Variants in RAB13 observed in about 807,000 individuals in gnomAD.
RAB13 encodes RAB13, member RAS oncogene family.
In RAB13, 15 loss-of-function variants were observed where a neutral mutation model predicts 29.3. That is an observed-to-expected ratio of 0.51 (90% CI 0.34 to 0.79). The LOEUF (loss-of-function observed/expected upper bound fraction) is 0.79. RAB13 is among the 30% of genes least tolerant of loss of function. The probability of loss-of-function intolerance (pLI) is 0.01; values close to 1 mark genes in which losing one functional copy is unlikely to be tolerated. For missense variants in RAB13, 186 were observed against 255.5 expected, an observed-to-expected ratio of 0.73 and a Z score of 1.85; for synonymous variants, 82 against 93.8, an observed-to-expected ratio of 0.87 and a Z score of 0.73.
upstream of RAB13, among the ~76,000 whole-genome samples, chr1:153,987,769 T>C (rs1266209639): frequency 4.5e-5 from 5 of 112,004 alleles, no homozygotes; most frequent in Admixed American, 4.3e-4. Context: ...GTGAGACTGC[T>C]TCGACAAAAA....
chr1:153,983,603 T>C, intron 2 of RAB13, 22 bp from the exon 3 acceptor site: 1 of 1,575,234 alleles, frequency 6.3e-7, no homozygotes. Flanking sequence ...GAAGTTTTCA[T>C]GGGATGGAAT....
chr1:153,990,387 T>C (rs1649322989), upstream of RAB13, among the ~76,000 whole-genome samples: 1 of 152,136 alleles, frequency 6.6e-6, no homozygotes, highest in African/African-American at 2.4e-5. Flanking sequence ...ATTAAACCAA[T>C]AGAAAAAGAG....
chr1:153,983,405 C>A, intron 3 of RAB13, 109 bp from the exon 4 acceptor site: 1 of 1,468,348 alleles, frequency 6.8e-7, no homozygotes, highest in East Asian at 2.3e-5. Flanking sequence ...GTTGGGCCCT[C>A]TGCAACCCAC....
At chr1:153,986,384 C>A (rs1185237879), upstream of RAB13, 13 of 678,048 alleles carry the variant, frequency 1.9e-5, no homozygotes, top group Non-Finnish European at 3.2e-5. Context: ...AGAGGAGAGG[C>A]GGCACCCCTC....
chr1:153,982,129 C>T lies in RAB13; in HGVS notation c.582G>A (p.Lys194=). 6.2e-7 allele frequency: 1 copy of T among 1,613,980 alleles called. No individual in the cohort carries two copies. The highest frequency in any genetic ancestry group is 2.2e-5 in the East Asian group (1 of 44,888). ...CCAGGGAGCACTTGTTGGTGTTCTTCTTGTCACAAGTTTTCAGGTCAGTAC... is the reference window on the plus strand; with the variant it reads ...CCAGGGAGCACTTGTTGGTGTTCTTTTTGTCACAAGTTTTCAGGTCAGTAC... ...PPSTDLKTCD[K]KNTNKCSLG is the part of the protein sequence containing the mutation. Residue 194 remains lysine, a synonymous_variant, in exon 8 of 8, where the codon AAG becomes AAA. Transcript: ENST00000368575.
upstream of RAB13, among the ~76,000 whole-genome samples, chr1:153,989,760 C>T (rs1430470405): frequency 3.3e-5 from 5 of 151,582 alleles, no homozygotes; most frequent in Non-Finnish European, 7.4e-5. Context: ...GGCATGGTGC[C>T]GCATGCCTGT....
chr1:153,985,488 C>G, intron 1 of RAB13: 1 of 502,938 alleles, frequency 2.0e-6, no homozygotes, highest in Non-Finnish European at 2.6e-6. Context: ...AGTCACCAGG[C>G]TGACTCAGAG....
upstream of RAB13, among the ~76,000 whole-genome samples, chr1:153,989,994 ATC>A (rs1449643807): frequency 3.3e-5 from 5 of 151,908 alleles, no homozygotes; most frequent in African/African-American, 1.2e-4. Context: ...AAACTATTCA[ATC>A]TCTTTTTGTC....
rs766351999 is a variant in RAB13 at position 153,982,812 on chromosome 1, G to A, written c.325-4C>T. Reference sequence around the variant, plus strand: ...GCTCCACCCCAGCCGAGGCATTCTGGGGGCAAAAGACAAGTAAAAGTTAGG... The same window carrying A: ...GCTCCACCCCAGCCGAGGCATTCTGAGGGCAAAAGACAAGTAAAAGTTAGG... On this transcript the variant is annotated splice_region_variant and splice_polypyrimidine_tract_variant and intron_variant, in intron 4 of 7. Transcript: ENST00000368575. 2 of 1,614,066 alleles carry A rather than the reference G, an allele frequency of 1.2e-6. No individual in the cohort carries two copies. Among genetic ancestry groups the A allele is most frequent in the South Asian group, 1.1e-5 (1 of 91,086 alleles).
At chr1:153,984,458 C>G (rs1344482687) in intron 2 of RAB13, among the ~76,000 whole-genome samples, 3 of 152,148 alleles carry the variant, frequency 2.0e-5, no homozygotes, top group Non-Finnish European at 4.4e-5. Flanking sequence ...CATGTTATGA[C>G]TGAACAGTTG....
intron 4 of RAB13, 44 bp from the exon 5 acceptor site, chr1:153,982,852 A>T: frequency 6.3e-7 from 1 of 1,598,228 alleles, no homozygotes; most frequent in Non-Finnish European, 8.6e-7. Flanking sequence ...GCCGGCTGGG[A>T]GCGGTGGCTC....
upstream of RAB13, among the ~76,000 whole-genome samples, chr1:153,986,772 C>A (rs1341766512): frequency 2.0e-5 from 3 of 152,016 alleles, no homozygotes; most frequent in Admixed American, 1.3e-4. Context: ...GAGTTATCAT[C>A]GGTTTCTGGG....
intron 4 of RAB13, 94 bp downstream of exon 4, chr1:153,983,125 C>T: frequency 1.1e-6 from 1 of 916,718 alleles, no homozygotes; most frequent in Non-Finnish European, 1.6e-6. Flanking sequence ...AACTTCATCT[C>T]AAAAAAAAAA....
intron 3 of RAB13, 73 bp from the exon 4 acceptor site, chr1:153,983,369 A>G: frequency 6.7e-7 from 1 of 1,500,750 alleles, no homozygotes; most frequent in Non-Finnish European, 9.3e-7. Flanking sequence ...GTGACCCCGC[A>G]TCCATGGGTC....
At position 153,982,428 on chromosome 1, in the gene RAB13, G is replaced by C. The variant is rs553808166; in HGVS notation, c.497C>G (p.Ala166Gly). Residue 166 changes from alanine (A) to glycine (G), a missense_variant, in exon 7 of 8, where the codon GCC becomes GGC. Ala to Gly is a moderately conservative substitution (Grantham distance 60). Transcript: ENST00000368575. ...TCCTGACTTGAGCAAGATGTCCCGG[G>C]CCAGGGAACTAAAAGCCTAAAGTGG... is the stretch of plus-strand genomic sequence containing the variant. ...MNVDEAFSSL[A>G]RDILLKSGGR... 6.2e-7 allele frequency: 1 copy of C among 1,613,872 alleles called. No individual in the cohort carries two copies. The highest frequency in any genetic ancestry group is 1.1e-5 in the South Asian group (1 of 91,074).
chr1:153,985,983 C>T (rs1013239142), intron 1 of RAB13, 130 bp downstream of exon 1: 2 of 1,467,542 alleles, frequency 1.4e-6, no homozygotes, highest in Non-Finnish European at 1.8e-6. Context: ...GGGTCAGAGC[C>T]AGGGGTTGAG....
chr1:153,989,963 A>G (rs1649304552), upstream of RAB13, among the ~76,000 whole-genome samples: 1 of 152,124 alleles, frequency 6.6e-6, no homozygotes, highest in Non-Finnish European at 1.5e-5. Flanking sequence ...TTCCGTGTCC[A>G]TGCTTGTCCC....
chr1:153,985,957 G>T, intron 1 of RAB13, 156 bp downstream of exon 1: 1 of 1,341,404 alleles, frequency 7.5e-7, no homozygotes, highest in Non-Finnish European at 1.0e-6. Flanking sequence ...ACTATACAGA[G>T]ACATGCACGG....
At chr1:153,983,042 T>A (rs1212219421) in intron 4 of RAB13, 177 bp downstream of exon 4, 3 of 746,482 alleles carry the variant, frequency 4.0e-6, no homozygotes, top group Non-Finnish European at 6.9e-6. Context: ...GGAAAATCGT[T>A]TGAACCTGGG....
Sources: gnomAD v4.1 joint callset for allele counts (sites outside exome capture counted in the v4.1 genomes callset) on GRCh38, gnomAD v4.1.1 for gene constraint, MANE v1.5 for transcripts, NCBI Gene and HGNC (gene_info 2026-07-23, HGNC 2026-07-21) for gene names.